Variants in CNTNAP4 observed in about 807,000 individuals in gnomAD.
CNTNAP4 encodes the protein contactin-associated protein-like 4.
Under a neutral mutation model 148.4 loss-of-function variants are expected in CNTNAP4, and 98 were observed. The observed-to-expected ratio is 0.66, with a 90% CI of 0.56 to 0.78. The LOEUF (loss-of-function observed/expected upper bound fraction) is 0.78, where lower values mean the gene tolerates loss of function less well. Ranked by LOEUF, CNTNAP4 falls within the 30% of genes least tolerant of loss-of-function variation. The probability of loss-of-function intolerance (pLI) is 0.00; values close to 1 mark genes in which losing one functional copy is unlikely to be tolerated. For missense variants in CNTNAP4, 1,935 were observed against 1,565.6 expected (o/e 1.24, Z -3.98); for synonymous variants, 730 against 565.1 (o/e 1.29, Z -4.14).
intron 8 of CNTNAP4, among the ~76,000 whole-genome samples, chr16:76,456,851 A>C (rs1310661687): frequency 1.3e-5 from 2 of 152,292 alleles, no homozygotes; most frequent in East Asian, 1.9e-4. Context: ...GTTTTCCTTC[A>C]GCTATCCAGC....
At chr16:76,501,807 A>C (rs1216947172) in intron 15 of CNTNAP4, among the ~76,000 whole-genome samples, 1 of 152,202 alleles carries the variant, frequency 6.6e-6, no homozygotes, top group Non-Finnish European at 1.5e-5. Flanking sequence ...GCGGTGGCTC[A>C]CGCCTGTAAT....
At chr16:76,537,163 A>G (rs1447024941) in intron 18 of CNTNAP4, among the ~76,000 whole-genome samples, 1 of 152,220 alleles carries the variant, frequency 6.6e-6, no homozygotes, top group East Asian at 1.9e-4. Context: ...CTGGATATAA[A>G]TAATTTCCAG....
In CNTNAP4 at chr16:76,373,244, GGTGAATATATTCCACATATATAT is replaced by G. The variant is rs1567902161; in HGVS notation, c.390+17739_390+17761del. On this transcript the variant is annotated intron_variant, in intron 3 of 23. Transcript: ENST00000611870. The stretch of plus-strand genomic sequence containing the variant: ...TAGGTGAATATATTCCACATAAATA[GGTGAATATATTCCACATATATAT>G]GTGAAATATATTCCACATAAATATG... Among the ~76,000 whole-genome samples, 79 of 78,996 alleles carry G rather than the reference GGTGAATATATTCCACATATATAT, an allele frequency of 1.0e-3. 1 individual carries two copies. The highest frequency in any genetic ancestry group is 3.9e-3 in the African/African-American group (78 of 20,154). 51.8% of individuals were successfully genotyped at this position (78,996 alleles called of 152,430 possible). A position where few individuals can be genotyped will look rare whatever the true frequency, so the allele number is the denominator to read the frequency against.
intron 9 of CNTNAP4, among the ~76,000 whole-genome samples, chr16:76,466,996 T>G (rs2081196758): frequency 6.6e-6 from 1 of 152,156 alleles, no homozygotes; most frequent in Admixed American, 6.6e-5. Context: ...TTCTTAATTT[T>G]GCAATTCAAA....
chr16:76,313,477 G>A (rs1238619111), intron 1 of CNTNAP4, among the ~76,000 whole-genome samples: 3 of 152,126 alleles, frequency 2.0e-5, no homozygotes, highest in Non-Finnish European at 4.4e-5. Context: ...TTTTGTTGTT[G>A]CCTGTAATTG....
intron 8 of CNTNAP4, among the ~76,000 whole-genome samples, chr16:76,461,470 A>G (rs575527866): frequency 1.3e-5 from 2 of 152,324 alleles, no homozygotes; most frequent in East Asian, 3.9e-4. Context: ...ACGGTGCTTT[A>G]TATTTAACTT....
At chr16:76,300,168 G>A (rs1166256415) in intron 1 of CNTNAP4, among the ~76,000 whole-genome samples, 11 of 151,702 alleles carry the variant, frequency 7.3e-5, no homozygotes, top group Non-Finnish European at 1.5e-4. Context: ...AGAAGTTAAG[G>A]CAACTTTTTG....
At chr16:76,480,605 G>T (rs886219518) in intron 12 of CNTNAP4, among the ~76,000 whole-genome samples, 1 of 152,052 alleles carries the variant, frequency 6.6e-6, no homozygotes, top group African/African-American at 2.4e-5. Context: ...GGGCATGGTG[G>T]CATGCGCTTG....
chr16:76,348,446 C>G (rs1449186698), intron 2 of CNTNAP4, among the ~76,000 whole-genome samples: 1 of 151,874 alleles, frequency 6.6e-6, no homozygotes, highest in Non-Finnish European at 1.5e-5. Flanking sequence ...GGAGTGAATG[C>G]AGAGAGAAAA....
At chr16:76,294,435 T>G (rs1043228589) in intron 1 of CNTNAP4, among the ~76,000 whole-genome samples, 23 of 152,302 alleles carry the variant, frequency 1.5e-4, no homozygotes, top group African/African-American at 5.5e-4. Flanking sequence ...GTTTAAAAAT[T>G]TATCCCCAAG....
intron 23 of CNTNAP4, among the ~76,000 whole-genome samples, chr16:76,556,960 A>C (rs1489912185): frequency 6.6e-6 from 1 of 152,152 alleles, no homozygotes; most frequent in Non-Finnish European, 1.5e-5. Flanking sequence ...ATTAATAAAA[A>C]CCTTCAAATC....
chr16:76,375,307 A>G (rs2015309653), intron 3 of CNTNAP4, among the ~76,000 whole-genome samples: 1 of 152,096 alleles, frequency 6.6e-6, no homozygotes, highest in Non-Finnish European at 1.5e-5. Flanking sequence ...CTGCAGTCCC[A>G]GCTACTGGGG....
intron 3 of CNTNAP4, among the ~76,000 whole-genome samples, chr16:76,360,562 C>T (rs1459042982): frequency 6.6e-6 from 1 of 152,262 alleles, no homozygotes; most frequent in Non-Finnish European, 1.5e-5. Context: ...GCAATACTAA[C>T]GCCAAGTGTG....
Position 76,554,782 on chromosome 16 carries a change from G to A in CNTNAP4, c.3733+875G>A, listed in dbSNP as rs141647017. Among the ~76,000 whole-genome samples the A allele has an allele frequency of 2.5e-3, 385 of 151,188 alleles. 2 individuals are homozygous for A. Among genetic ancestry groups the A allele is most frequent in the African/African-American group, 8.1e-3 (336 of 41,232 alleles). On this transcript the variant is annotated intron_variant, in intron 23 of 23. Transcript: ENST00000611870. ...TTCATATATGAAATATGAATATTTC[G>A]TTTGCAGGTGACTTAGAGTTCTTCC...
intron 1 of CNTNAP4, among the ~76,000 whole-genome samples, chr16:76,302,678 A>G (rs937663855): frequency 6.6e-6 from 1 of 152,182 alleles, no homozygotes; most frequent in African/African-American, 2.4e-5. Context: ...TAGTTTTGCT[A>G]TATAACATAA....
At chr16:76,408,719 A>T (rs944552215) in intron 3 of CNTNAP4, among the ~76,000 whole-genome samples, 4 of 152,240 alleles carry the variant, frequency 2.6e-5, no homozygotes, top group Non-Finnish European at 5.9e-5. Context: ...AATTTTCAAT[A>T]GTTAACTGGA....
chr16:76,298,435 T>C (rs1773875514), intron 1 of CNTNAP4, among the ~76,000 whole-genome samples: 1 of 152,040 alleles, frequency 6.6e-6, no homozygotes, highest in African/African-American at 2.4e-5. Flanking sequence ...GAATGGCAAT[T>C]AGATTCTTTG....
At chr16:76,376,201 C>A (rs1266924423) in intron 3 of CNTNAP4, among the ~76,000 whole-genome samples, 1 of 152,062 alleles carries the variant, frequency 6.6e-6, no homozygotes, top group Non-Finnish European at 1.5e-5. Flanking sequence ...AAAAAAAATA[C>A]AACTCATGCA....
At chr16:76,304,820 G>A (rs1203564320) in intron 1 of CNTNAP4, among the ~76,000 whole-genome samples, 1 of 152,160 alleles carries the variant, frequency 6.6e-6, no homozygotes, top group African/African-American at 2.4e-5. Flanking sequence ...AGGCAGAAAT[G>A]TGGTCCCCCG....
Sources: allele counts gnomAD v4.1 joint callset (sites outside exome capture counted in the v4.1 genomes callset), GRCh38; gene constraint gnomAD v4.1.1; transcripts MANE v1.5; gene names NCBI Gene and HGNC (gene_info 2026-07-23, HGNC 2026-07-21).